Variants in TAF3 observed in about 807,000 individuals in gnomAD.
TAF3 encodes the protein TATA-box binding protein associated factor 3.
In TAF3, 7 loss-of-function variants were observed where a neutral mutation model predicts 80.6. The observed-to-expected ratio is 0.09, with a 90% CI of 0.05 to 0.16. TAF3 has a LOEUF of 0.16. Among genes scored for constraint, TAF3 ranks in the 10% least tolerant of loss-of-function variants. TAF3 has a pLI of 1.00. For missense variants in TAF3, 921 were observed against 1,140.2 expected, an observed-to-expected ratio of 0.81 and a Z score of 2.77; for synonymous variants, 444 against 446.1, an observed-to-expected ratio of 1.00 and a Z score of 0.06.
intron 2 of TAF3, among the ~76,000 whole-genome samples, chr10:7,832,022 G>A (rs1045015874): frequency 2.0e-5 from 3 of 152,030 alleles, no homozygotes; most frequent in African/African-American, 7.3e-5. Flanking sequence ...CACCTCAAAT[G>A]CCTATCGTTT....
At chr10:7,895,943 C>G (rs1160083903) in intron 2 of TAF3, among the ~76,000 whole-genome samples, 2 of 152,240 alleles carry the variant, frequency 1.3e-5, no homozygotes, top group South Asian at 2.1e-4. Flanking sequence ...CGAAGCTGAC[C>G]ATGCGGGGGT....
chr10:7,849,448 C>T (rs934487895), intron 2 of TAF3, among the ~76,000 whole-genome samples: 3 of 151,382 alleles, frequency 2.0e-5, no homozygotes, highest in Non-Finnish European at 4.4e-5. Flanking sequence ...ACTTCTGGGA[C>T]GATTTAGGGT....
At position 8,014,893 on chromosome 10, in the gene TAF3, A is replaced by G. The variant is rs925372328; in HGVS notation, c.*142A>G. The G allele has an allele frequency of 1.3e-5, 9 of 688,270 alleles. No individual in the cohort carries two copies. The East Asian group carries it at 1.5e-4, about 11-fold the overall frequency. 42.6% of individuals were successfully genotyped at this position (688,270 alleles called of 1,614,324 possible). Reference sequence around the variant, plus strand: ...AACCCAGGAGGACTGAGGCTGGAACACACCGCGCACCTGGATTGTTCACTC... The same window carrying G: ...AACCCAGGAGGACTGAGGCTGGAACGCACCGCGCACCTGGATTGTTCACTC... On this transcript the variant is annotated 3_prime_UTR_variant, in exon 7 of 7. Coordinates refer to ENST00000344293, the MANE Select transcript of TAF3 (RefSeq NM_031923.4).
intron 2 of TAF3, among the ~76,000 whole-genome samples, chr10:7,839,407 A>G (rs1043942359): frequency 2.0e-5 from 3 of 152,150 alleles, no homozygotes; most frequent in African/African-American, 7.2e-5. Flanking sequence ...CTACTCTATG[A>G]GAGTTGAATT....
chr10:7,851,108 G>T (rs1837022643), intron 2 of TAF3, among the ~76,000 whole-genome samples: 1 of 152,158 alleles, frequency 6.6e-6, no homozygotes. Context: ...AAGAGGATAA[G>T]TACTATGAGA....
chr10:7,846,562 G>A (rs188477053), intron 2 of TAF3, among the ~76,000 whole-genome samples: 75 of 152,148 alleles, frequency 4.9e-4, no homozygotes, highest in African/African-American at 1.6e-3. Flanking sequence ...GAGTGGTTTT[G>A]ACTAGTTGAA....
intron 4 of TAF3, among the ~76,000 whole-genome samples, chr10:7,981,916 A>G (rs966541886): frequency 6.6e-6 from 1 of 152,240 alleles, no homozygotes; most frequent in Non-Finnish European, 1.5e-5. Flanking sequence ...CAATATGTAT[A>G]GACACTTGTC....
At chr10:7,834,719 T>C (rs1836834652) in intron 2 of TAF3, among the ~76,000 whole-genome samples, 3 of 152,202 alleles carry the variant, frequency 2.0e-5, no homozygotes, top group Admixed American at 2.0e-4. Flanking sequence ...ATGATAAAAT[T>C]AGAATATTCC....
At chr10:7,827,779 C>CAAAA (rs71515491) in intron 2 of TAF3, among the ~76,000 whole-genome samples, 1 of 94,938 alleles carries the variant, frequency 1.1e-5, no homozygotes, top group East Asian at 3.3e-4. Flanking sequence ...GACTCTGTCT[C>CAAAA]AAAAAAAAAA....
intron 2 of TAF3, among the ~76,000 whole-genome samples, chr10:7,878,616 C>G (rs1469407975): frequency 6.6e-6 from 1 of 152,038 alleles, no homozygotes; most frequent in Non-Finnish European, 1.5e-5. Flanking sequence ...GAAGGGAGTC[C>G]TGTAAGTGAG....
chr10:7,818,607 C>T lies in TAF3; in HGVS notation c.-103C>T, dbSNP rs1836654919. The T allele has an allele frequency of 7.5e-7, 1 of 1,332,364 alleles. No individual in the cohort carries two copies. The allele number at this position is 1,332,364 out of a possible 1,614,324, so 82.5% of individuals were successfully genotyped here. A position where few individuals can be genotyped will look rare whatever the true frequency, so the allele number is the denominator to read the frequency against. ...CCGGGGGTCCGGGGGACCCTTTCCC[C>T]GCCGCGGAAGCCCTAGAGGATGAAT... On this transcript the variant is annotated 5_prime_UTR_variant, in exon 1 of 7. Transcript: ENST00000344293.
intron 2 of TAF3, among the ~76,000 whole-genome samples, chr10:7,945,564 C>G (rs1242149666): frequency 6.6e-6 from 1 of 152,088 alleles, no homozygotes; most frequent in East Asian, 1.9e-4. Context: ...CGCAGGGAGG[C>G]CAGGCCTGCC....
At chr10:7,917,911 A>ACTC (rs1449798531) in intron 2 of TAF3, among the ~76,000 whole-genome samples, 1 of 152,212 alleles carries the variant, frequency 6.6e-6, no homozygotes, top group Non-Finnish European at 1.5e-5. Flanking sequence ...GTCTGACTGG[A>ACTC]GAAGACCGAG....
chr10:7,863,211 A>G (rs566733716), intron 2 of TAF3, among the ~76,000 whole-genome samples: 4 of 152,268 alleles, frequency 2.6e-5, no homozygotes, highest in East Asian at 1.9e-4. Flanking sequence ...TTTCAAATCA[A>G]TGTATCATCT....
At chr10:7,895,278 T>G (rs762923979) in intron 2 of TAF3, among the ~76,000 whole-genome samples, 8 of 152,238 alleles carry the variant, frequency 5.3e-5, no homozygotes, top group Non-Finnish European at 1.2e-4. Context: ...GCCTTCTGTT[T>G]CAGTGATTTC....
At chr10:7,826,645 CAT>C (rs998169644) in intron 2 of TAF3, among the ~76,000 whole-genome samples, 11 of 152,192 alleles carry the variant, frequency 7.2e-5, no homozygotes, top group South Asian at 4.1e-4. Flanking sequence ...TTATCTAACA[CAT>C]GTGGATTAAG....
chr10:7,896,507 T>A (rs1442383846), intron 2 of TAF3, among the ~76,000 whole-genome samples: 2 of 152,150 alleles, frequency 1.3e-5, no homozygotes, highest in Non-Finnish European at 2.9e-5. Context: ...GCTTCATAGA[T>A]CTCTAGTTGC....
chr10:7,970,954 T>G (rs773816677), intron 3 of TAF3, among the ~76,000 whole-genome samples: 38 of 152,322 alleles, frequency 2.5e-4, no homozygotes, highest in Non-Finnish European at 4.6e-4. Flanking sequence ...GGGTTTTTTT[T>G]GTAAATAAAC....
intron 2 of TAF3, among the ~76,000 whole-genome samples, chr10:7,911,536 G>A (rs1837657007): frequency 6.6e-6 from 1 of 152,164 alleles, no homozygotes; most frequent in African/African-American, 2.4e-5. Context: ...GTATTATTCT[G>A]CAAAAATACT....
Sources: gnomAD v4.1 joint callset for allele counts (sites outside exome capture counted in the v4.1 genomes callset) on GRCh38, gnomAD v4.1.1 for gene constraint, MANE v1.5 for transcripts, NCBI Gene and HGNC (gene_info 2026-07-23, HGNC 2026-07-21) for gene names.